Variants in PRKCZ observed in about 807,000 individuals in gnomAD.
PRKCZ encodes protein kinase C zeta type.
Under a neutral mutation model 79.5 loss-of-function variants are expected in PRKCZ, and 33 were observed. The ratio of observed to expected loss-of-function variants is 0.41; its 90% CI spans 0.31 to 0.55. PRKCZ has a LOEUF of 0.55. Among genes scored for constraint, PRKCZ ranks in the 20% least tolerant of loss-of-function variants. PRKCZ has a pLI of 0.19. For missense variants in PRKCZ, 578 were observed against 813.5 expected (o/e 0.71, Z 3.52); for synonymous variants, 342 against 320.9 (o/e 1.07, Z -0.70).
intron 4 of PRKCZ, among the ~76,000 whole-genome samples, chr1:2,115,490 G>A (rs1364900329): frequency 6.6e-6 from 1 of 152,214 alleles, no homozygotes; most frequent in African/African-American, 2.4e-5. Context: ...CCACTCTGGC[G>A]CCAGCTGGGT....
At chr1:2,164,795 G>A (rs1683014799) in intron 10 of PRKCZ, among the ~76,000 whole-genome samples, 1 of 152,166 alleles carries the variant, frequency 6.6e-6, no homozygotes. Context: ...CTTGGGTGTC[G>A]TGGAGGGCAG....
At chr1:2,053,346 G>A (rs948998347) in intron 1 of PRKCZ, among the ~76,000 whole-genome samples, 2 of 152,138 alleles carry the variant, frequency 1.3e-5, no homozygotes, top group South Asian at 2.1e-4. Context: ...TGATCCGCCC[G>A]CCTTGGCCTC....
intron 3 of PRKCZ, 129 bp downstream of exon 3, chr1:2,056,702 T>A: frequency 1.3e-6 from 1 of 757,530 alleles, no homozygotes; most frequent in Non-Finnish European, 2.0e-6. Flanking sequence ...ATGTCTAATA[T>A]AATGCCATTT....
chr1:2,165,797 G>C lies in PRKCZ; in HGVS notation c.975-3721G>C, dbSNP rs1215644298. 2.0e-5 allele frequency among the ~76,000 whole-genome samples: 3 copies of C among 152,152 alleles called. No homozygotes were observed. Among genetic ancestry groups the C allele is most frequent in the African/African-American group, 7.2e-5 (3 of 41,432 alleles). ...GGAGAGGGCTGTGGTTCCTCCCTCT[G>C]AGCCGGGCACCTTGCATTCCTGGAA... On this transcript the variant is annotated intron_variant, in intron 10 of 17. Transcript: ENST00000378567. The surrounding 1 kb of genome is among the most constrained non-coding windows in gnomAD (Gnocchi z 4.1).
chr1:2,169,666 C>A, intron 11 of PRKCZ, 62 bp downstream of exon 11: 1 of 444,770 alleles, frequency 2.2e-6, no homozygotes, highest in Non-Finnish European at 3.3e-6. Context: ...TGGGTGCGTG[C>A]GGTGTTGGGG....
chr1:2,092,528 G>C (rs906946793), intron 4 of PRKCZ, among the ~76,000 whole-genome samples: 1 of 152,176 alleles, frequency 6.6e-6, no homozygotes, highest in Non-Finnish European at 1.5e-5. Context: ...AACCACCCTC[G>C]TTTTCTTAGC....
chr1:2,155,533 A>G lies in PRKCZ; in HGVS notation c.877-462A>G, dbSNP rs567069362. On this transcript the variant is annotated intron_variant, in intron 9 of 17. Transcript: ENST00000378567. ...ATGGTGGTGGGGGTAGATGGTGCCA[A>G]TGGTGATGGTGGTGGTGGTGATGGT... is the stretch of plus-strand genomic sequence containing the variant. 1.9e-3 allele frequency among the ~76,000 whole-genome samples: 286 copies of G among 148,784 alleles called. 1 individual carries two copies. The highest frequency in any genetic ancestry group is 3.1e-3 in the Non-Finnish European group (208 of 67,066).
chr1:2,059,285 C>T (rs1250909604), intron 3 of PRKCZ, among the ~76,000 whole-genome samples: 2 of 152,250 alleles, frequency 1.3e-5, no homozygotes, highest in Non-Finnish European at 2.9e-5. Flanking sequence ...TCAGTAGCTT[C>T]CTCTGATGGC....
At chr1:2,148,730 TA>T in intron 7 of PRKCZ, 141 bp from the exon 8 acceptor site, 1 of 787,840 alleles carries the variant, frequency 1.3e-6, no homozygotes, top group Non-Finnish European at 2.0e-6. Flanking sequence ...CAGAAGACTC[TA>T]AATTAGAATC....
At chr1:2,085,733 C>T (rs113800564) in intron 4 of PRKCZ, among the ~76,000 whole-genome samples, 220 of 77,828 alleles carry the variant, frequency 2.8e-3, no homozygotes, top group African/African-American at 0.012. Context: ...GCCCGTGAGG[C>T]ACCGTGCTGG....
Position 2,106,489 on chromosome 1 carries a change from C to T in PRKCZ, c.335-28773C>T, listed in dbSNP as rs1221415711. ...CCTCCAGTGGGCGAGGACCTCCACA[C>T]GTGTCACCAGGCCAGGTAACTCTCA... is the stretch of plus-strand genomic sequence containing the variant. On this transcript the variant is annotated intron_variant, in intron 4 of 17. Transcript: ENST00000378567. Among the ~76,000 whole-genome samples the T allele has an allele frequency of 3.8e-3, 399 of 104,862 alleles. 4 individuals are homozygous for T. Among genetic ancestry groups the T allele is most frequent in the African/African-American group, 0.015 (344 of 22,838 alleles). 68.8% of individuals were successfully genotyped at this position (104,862 alleles called of 152,430 possible).
chr1:2,133,311 TG>T (rs1675372258), intron 4 of PRKCZ, among the ~76,000 whole-genome samples: 1 of 149,468 alleles, frequency 6.7e-6, no homozygotes, highest in South Asian at 2.1e-4. Context: ...CGCCCGCAGC[TG>T]CACGTTCGTC....
intron 10 of PRKCZ, 125 bp from the exon 11 acceptor site, chr1:2,169,391 TTG>T (rs1352590096): frequency 1.2e-6 from 1 of 804,636 alleles, no homozygotes; most frequent in Non-Finnish European, 2.1e-6. Context: ...CTGCTGCTCT[TTG>T]CTCTTTGCAA....
chr1:2,108,141 G>A (rs1367980008), intron 4 of PRKCZ, among the ~76,000 whole-genome samples: 4 of 152,266 alleles, frequency 2.6e-5, no homozygotes, highest in Non-Finnish European at 5.9e-5. Flanking sequence ...CAGAGAAAAG[G>A]CATCGAGGTA....
chr1:2,068,643 G>A (rs1211647220), intron 4 of PRKCZ, among the ~76,000 whole-genome samples: 3 of 152,172 alleles, frequency 2.0e-5, no homozygotes, highest in Non-Finnish European at 4.4e-5. Flanking sequence ...CTTTTTGGAG[G>A]CCCATCCTCA....
At chr1:2,064,143 G>C (rs1001367868) in intron 4 of PRKCZ, among the ~76,000 whole-genome samples, 1 of 152,194 alleles carries the variant, frequency 6.6e-6, no homozygotes, top group Non-Finnish European at 1.5e-5. Context: ...TGCCGTGCCC[G>C]GCTTTGTTGG....
chr1:2,173,723 C>T lies in PRKCZ; in HGVS notation c.1286-174C>T, dbSNP rs980278376. On this transcript the variant is annotated intron_variant, in intron 13 of 17. Transcript: ENST00000378567. The surrounding 1 kb of genome is among the most constrained non-coding windows in gnomAD (Gnocchi z 5.7). Reference sequence around the variant, plus strand: ...GACGGTGGCAGGGAGGCCGAGCTGCCAGGTGGAGGTGCTGGTTCTGTTTGG... The same window carrying T: ...GACGGTGGCAGGGAGGCCGAGCTGCTAGGTGGAGGTGCTGGTTCTGTTTGG... Among the ~76,000 whole-genome samples the T allele has an allele frequency of 3.0e-4, 46 of 152,158 alleles. No individual in the cohort carries two copies. Among genetic ancestry groups the T allele is most frequent in the Non-Finnish European group, 4.4e-5 (3 of 68,018 alleles).
At chr1:2,062,839 G>A (rs150637979) in intron 4 of PRKCZ, among the ~76,000 whole-genome samples, 64 of 151,912 alleles carry the variant, frequency 4.2e-4, no homozygotes, top group Middle Eastern at 3.4e-3. Flanking sequence ...TTCGATATTC[G>A]CATTGCTGTC....
intron 5 of PRKCZ, 146 bp downstream of exon 5, chr1:2,135,493 G>T (rs1167040851): frequency 5.4e-6 from 4 of 746,420 alleles, no homozygotes; most frequent in South Asian, 3.8e-5. Flanking sequence ...GCTTTCTCTG[G>T]TGCAGGATGA....
Sources: gnomAD v4.1 joint callset for allele counts (sites outside exome capture counted in the v4.1 genomes callset) on GRCh38, gnomAD v4.1.1 for gene constraint, Gnocchi (gnomAD v3.1) non-coding constraint, MANE v1.5 for transcripts, NCBI Gene and HGNC (gene_info 2026-07-23, HGNC 2026-07-21) for gene names.